The following MYH16 variants were observed in gnomAD, a reference collection of about 807,000 sequenced individuals.
The protein encoded by MYH16 is myosin heavy chain 16.
rs894705774 is a variant in MYH16, at chr7:99,279,661, A to G, written n.2811A>G. The stretch of plus-strand genomic sequence containing the variant: ...CTGAGTGCCGCCAAGCGCAAGTTGG[A>G]AGGGGAGCTGAGCGACCTGAAGCGG... On this transcript the variant is annotated non_coding_transcript_exon_variant, in exon 22 of 42. Coordinates refer to ENST00000439784, the Ensembl canonical transcript of MYH16. The G allele has an allele frequency of 6.6e-6, 3 of 456,500 alleles. No individual in the cohort carries two copies. In the Admixed American group the frequency reaches 7.0e-5, roughly 11 times the overall value. The allele number at this position is 456,500 out of a possible 1,614,324, so 28.3% of individuals were successfully genotyped here. A position where few individuals can be genotyped will look rare whatever the true frequency, so the allele number is the denominator to read the frequency against.
At chr7:99,308,553 G>C (rs1336158832), downstream of MYH16, among the ~76,000 whole-genome samples, 1 of 152,060 alleles carries the variant, frequency 6.6e-6, no homozygotes, top group Non-Finnish European at 1.5e-5. Context: ...TGGAGGAGTG[G>C]ATCCCAAAAC....
chr7:99,300,086 A>C (rs1352656822), intron 37 of MYH16, among the ~76,000 whole-genome samples: 1 of 151,688 alleles, frequency 6.6e-6, no homozygotes, highest in East Asian at 1.9e-4. Flanking sequence ...CAGCCTCCTG[A>C]GTAGCTGGGA....
rs1027743355 is a variant in MYH16, at chr7:99,287,816, C to T, written n.3461-76C>T. 11 of 412,032 alleles carry T rather than the reference C, an allele frequency of 2.7e-5. No individual in the cohort carries two copies. In the East Asian group the frequency reaches 4.4e-4, roughly 16 times the overall value. 25.5% of individuals were successfully genotyped at this position (412,032 alleles called of 1,614,324 possible). On this transcript the variant is annotated intron_variant and non_coding_transcript_variant, in intron 28 of 41. Transcript: ENST00000439784. ...AGGTACAGGAATATCAGGGGACCAC[C>T]GAGCAGCTGGGCGGTGTCCACCCGG... is the stretch of plus-strand genomic sequence containing the variant.
At chr7:99,292,183 T>A (rs1450633466) in intron 31 of MYH16, 129 bp from the exon 13 acceptor site, 4 of 350,916 alleles carry the variant, frequency 1.1e-5, no homozygotes, top group Non-Finnish European at 2.3e-5. Flanking sequence ...ATGGTTTGGA[T>A]TGTGGGATCA....
At chr7:99,298,446 T>C (rs1308364128) in intron 36 of MYH16, among the ~76,000 whole-genome samples, 2 of 152,148 alleles carry the variant, frequency 1.3e-5, no homozygotes, top group Non-Finnish European at 2.9e-5. Flanking sequence ...TTGGCCAGGT[T>C]GGTCTTGAAC....
At chr7:99,262,997 C>A (rs1048574453) in intron 13 of MYH16, among the ~76,000 whole-genome samples, 2 of 152,278 alleles carry the variant, frequency 1.3e-5, no homozygotes, top group East Asian at 1.9e-4. Flanking sequence ...GCGTGGCCAG[C>A]AGAGTAAGCT....
chr7:99,268,569 G>T (rs527979788), intron 18 of MYH16, among the ~76,000 whole-genome samples: 1 of 152,346 alleles, frequency 6.6e-6, no homozygotes, highest in South Asian at 2.1e-4. Flanking sequence ...AGTTCCAGGG[G>T]AAGGCCCAGG....
intron 6 of MYH16, among the ~76,000 whole-genome samples, chr7:99,251,572 G>A (rs1014353186): frequency 6.6e-6 from 1 of 152,152 alleles, no homozygotes; most frequent in African/African-American, 2.4e-5. Flanking sequence ...CCCAGACAGG[G>A]TTAACTTTTT....
At chr7:99,284,419 C>T (rs991048943) in intron 25 of MYH16, among the ~76,000 whole-genome samples, 5 of 152,062 alleles carry the variant, frequency 3.3e-5, no homozygotes, top group Admixed American at 6.6e-5. Context: ...AGCAAGACCC[C>T]GTCTACAAAA....
chr7:99,299,855 G>A (rs1051364438), intron 37 of MYH16, among the ~76,000 whole-genome samples, 197 bp downstream of exon 18: 1 of 152,154 alleles, frequency 6.6e-6, no homozygotes. Context: ...CGAAAGTCCA[G>A]ATTCTGGACA....
At chr7:99,297,703 G>A (rs1225605752) in exon 35 of MYH16, 1 of 456,508 alleles carries the variant, frequency 2.2e-6, no homozygotes, top group Non-Finnish European at 4.4e-6. Context: ...AGGGAGGAAG[G>A]AGTGTGCATG....
At chr7:99,299,926 A>G (rs1286128197) in intron 37 of MYH16, among the ~76,000 whole-genome samples, 1 of 124,968 alleles carries the variant, frequency 8.0e-6, no homozygotes, top group Non-Finnish European at 1.7e-5. Flanking sequence ...TTTTTATTTT[A>G]TTTTATTTAT....
chr7:99,245,281 C>T (rs1383410052), intron 2 of MYH16, among the ~76,000 whole-genome samples: 1 of 152,112 alleles, frequency 6.6e-6, no homozygotes, highest in East Asian at 1.9e-4. Context: ...TCAACATATC[C>T]CAGTTATGCT....
At chr7:99,280,909 G>C (rs1342492040) in exon 23 of MYH16, 1 of 420,226 alleles carries the variant, frequency 2.4e-6, no homozygotes, top group South Asian at 1.7e-5. Flanking sequence ...CCTGACGGGG[G>C]ACCTCTCACT....
intron 18 of MYH16, among the ~76,000 whole-genome samples, chr7:99,269,524 C>T (rs1010963932): frequency 6.6e-6 from 1 of 152,166 alleles, no homozygotes; most frequent in African/African-American, 2.4e-5. Flanking sequence ...GATCCTCCCA[C>T]CTCGGCCTCC....
At chr7:99,299,228 C>G (rs76810056) in intron 36 of MYH16, among the ~76,000 whole-genome samples, 1 of 152,122 alleles carries the variant, frequency 6.6e-6, no homozygotes, top group South Asian at 2.1e-4. Context: ...CAGAATGTGA[C>G]GGTTTTTCCA....
At chr7:99,247,089 T>TA (rs1276156772) in intron 2 of MYH16, among the ~76,000 whole-genome samples, 1 of 152,046 alleles carries the variant, frequency 6.6e-6, no homozygotes, top group Non-Finnish European at 1.5e-5. Flanking sequence ...CAAAAACAAA[T>TA]ATATATTAAA....
intron 19 of MYH16, 49 bp from the exon 2 acceptor site, chr7:99,273,293 G>A (rs553338989): frequency 1.8e-5 from 8 of 456,374 alleles, no homozygotes; most frequent in Admixed American, 1.6e-4. Flanking sequence ...GGGAAGCCAG[G>A]TCCTAACACC....
chr7:99,257,125 A>G (rs1013035145), intron 9 of MYH16, among the ~76,000 whole-genome samples: 4 of 152,204 alleles, frequency 2.6e-5, no homozygotes, highest in Non-Finnish European at 5.9e-5. Context: ...ACTATATTGC[A>G]GAACATCTGA....
Sources: allele counts gnomAD v4.1 joint callset (sites outside exome capture counted in the v4.1 genomes callset), GRCh38; gene constraint gnomAD v4.1.1; transcripts MANE v1.5; gene names NCBI Gene and HGNC (gene_info 2026-07-23, HGNC 2026-07-21).